MAST2: variants seen among roughly 807,000 people sequenced by gnomAD.
MAST2 encodes the protein microtubule-associated serine/threonine-protein kinase 2.
Under a neutral mutation model 147.4 loss-of-function variants are expected in MAST2, and 70 were observed. The observed-to-expected ratio is 0.47, with a 90% CI of 0.39 to 0.58. The LOEUF (loss-of-function observed/expected upper bound fraction) is 0.58, where lower values mean the gene tolerates loss of function less well. Among genes scored for constraint, MAST2 ranks in the 20% least tolerant of loss-of-function variants. The pLI, the probability that MAST2 is intolerant of heterozygous loss-of-function variation, is 0.00. For missense variants in MAST2, 2,080 were observed against 2,302.3 expected, an observed-to-expected ratio of 0.90 and a Z score of 1.98; for synonymous variants, 869 against 896.8, an observed-to-expected ratio of 0.97 and a Z score of 0.55.
intron 4 of MAST2, among the ~76,000 whole-genome samples, chr1:45,909,764 C>T (rs1651372125): frequency 6.6e-6 from 1 of 152,194 alleles, no homozygotes; most frequent in African/African-American, 2.4e-5. Flanking sequence ...GATCCACCCA[C>T]TTTTGCCTCC....
intron 3 of MAST2, among the ~76,000 whole-genome samples, chr1:45,837,765 C>T (rs1377924075): frequency 6.6e-6 from 1 of 152,120 alleles, no homozygotes; most frequent in Non-Finnish European, 1.5e-5. Context: ...CACATCTTAT[C>T]AGTACTAGGT....
chr1:45,853,595 C>G (rs1645692325), intron 3 of MAST2, among the ~76,000 whole-genome samples: 2 of 152,090 alleles, frequency 1.3e-5, no homozygotes, highest in South Asian at 4.2e-4. Flanking sequence ...CTCAAGTGAT[C>G]CACCCACCCC....
At chr1:46,006,189 G>A in intron 7 of MAST2, 52 bp from the exon 8 acceptor site, 1 of 1,534,200 alleles carries the variant, frequency 6.5e-7, no homozygotes, top group Non-Finnish European at 8.8e-7. Flanking sequence ...CCCATTCTTG[G>A]ACTGCTCTGG....
chr1:46,024,961 G>A (rs534851025), intron 15 of MAST2, among the ~76,000 whole-genome samples: 28 of 152,228 alleles, frequency 1.8e-4, no homozygotes, highest in Non-Finnish European at 4.0e-4. Flanking sequence ...GGCAGAAGGT[G>A]AAAGGCATGT....
intron 3 of MAST2, among the ~76,000 whole-genome samples, chr1:45,840,326 A>G (rs898011506): frequency 6.6e-6 from 1 of 151,696 alleles, no homozygotes; most frequent in African/African-American, 2.4e-5. Context: ...TTTGCATGCA[A>G]CTCCTGTGGG....
intron 4 of MAST2, among the ~76,000 whole-genome samples, chr1:45,898,991 C>G (rs2148465715): frequency 6.6e-6 from 1 of 152,282 alleles, no homozygotes; most frequent in South Asian, 2.1e-4. Context: ...GAGTATATAG[C>G]CAAGCCATTG....
intron 4 of MAST2, among the ~76,000 whole-genome samples, chr1:45,952,788 A>G (rs1410182029): frequency 6.6e-6 from 1 of 152,172 alleles, no homozygotes; most frequent in Admixed American, 6.6e-5. Context: ...ACCATCAAAA[A>G]CCAAGAGAAC....
At chr1:45,814,096 T>TA (rs1644381476) in intron 1 of MAST2, among the ~76,000 whole-genome samples, 1 of 152,200 alleles carries the variant, frequency 6.6e-6, no homozygotes, top group Admixed American at 6.5e-5. Flanking sequence ...GTACAGCACA[T>TA]AGAGTTAGTG....
intron 3 of MAST2, among the ~76,000 whole-genome samples, chr1:45,846,120 ATT>A (rs34618078): frequency 2.6e-5 from 4 of 151,738 alleles, no homozygotes; most frequent in Admixed American, 6.6e-5. Flanking sequence ...ATCATCACTG[ATT>A]TTTTTTTTAA....
chr1:46,023,430 C>A lies in MAST2; in HGVS notation c.1571+112C>A. Reference sequence around the variant, plus strand: ...TCTGGGCAGATGCCTCGGGGTGGACCTTCTCACTCCCAGAAGCCTCCTGGG... The same window carrying A: ...TCTGGGCAGATGCCTCGGGGTGGACATTCTCACTCCCAGAAGCCTCCTGGG... On this transcript the variant is annotated intron_variant, in intron 14 of 28. Transcript: ENST00000361297. This position sits in a 1 kb window ranked among gnomAD's most constrained non-coding sequence, Gnocchi z 4.9. 1 of 960,190 alleles carries A rather than the reference C, an allele frequency of 1.0e-6. No homozygotes were observed. The highest frequency in any genetic ancestry group is 1.6e-6 in the Non-Finnish European group (1 of 606,800). The allele number at this position is 960,190 out of a possible 1,614,324, so 59.5% of individuals were successfully genotyped here.
Position 46,029,509 on chromosome 1 carries a change from C to T in MAST2, c.2262C>T (p.Asp754=), listed in dbSNP as rs761653513. The part of the protein sequence containing the change: ...WPEGDEALPP[D]AQDLTSKLLH... ...AGGGTGATGAGGCACTGCCCCCAGA[C>T]GCCCAGGACCTCACCTCCAAACTGC... The change falls in exon 19 of 29, where the codon GAC becomes GAT. Residue 754 remains aspartate, a synonymous_variant. Coordinates refer to ENST00000361297, the MANE Select transcript of MAST2 (RefSeq NM_015112.3). 2.7e-5 allele frequency: 43 copies of T among 1,614,014 alleles called. No individual in the cohort carries two copies. The highest frequency in any genetic ancestry group is 1.1e-4 in the East Asian group (5 of 44,894).
intron 3 of MAST2, among the ~76,000 whole-genome samples, chr1:45,859,936 C>T (rs61783218): frequency 0.053 from 8,122 of 152,148 alleles, 315 homozygotes; most frequent in Middle Eastern, 0.082. Context: ...GCTGAATGTT[C>T]TAGTCGGAAG....
Position 46,027,875 on chromosome 1 carries a change from T to A in MAST2, c.2052+12T>A. ...TCCTGGACAAGCAGGTAAGGAAGGGTAGTTGATACACTGGGGGTTAAATTC... is the reference window on the plus strand; with the variant it reads ...TCCTGGACAAGCAGGTAAGGAAGGGAAGTTGATACACTGGGGGTTAAATTC... On this transcript the variant is annotated intron_variant, in intron 17 of 28. Coordinates refer to ENST00000361297, the MANE Select transcript of MAST2 (RefSeq NM_015112.3). The A allele has an allele frequency of 6.2e-7, 1 of 1,613,626 alleles. No homozygotes were observed. Among genetic ancestry groups the A allele is most frequent in the Non-Finnish European group, 8.5e-7 (1 of 1,179,822 alleles).
intron 18 of MAST2, chr1:46,029,216 C>G: frequency 1.8e-6 from 1 of 545,292 alleles, no homozygotes; most frequent in Non-Finnish European, 3.2e-6. Flanking sequence ...GTGAGGGGTA[C>G]GTCTGTGTAT....
chr1:45,805,073 G>A (rs1377464047), intron 1 of MAST2, among the ~76,000 whole-genome samples: 2 of 132,792 alleles, frequency 1.5e-5, no homozygotes, highest in African/African-American at 5.6e-5. Context: ...TTTTTGAGAC[G>A]AAGTCTCGCT....
chr1:45,963,528 G>T (rs909270279), intron 5 of MAST2, among the ~76,000 whole-genome samples: 1 of 152,140 alleles, frequency 6.6e-6, no homozygotes, highest in Non-Finnish European at 1.5e-5. Flanking sequence ...TGAAGCAATT[G>T]TGAATGGGAG....
intron 3 of MAST2, among the ~76,000 whole-genome samples, chr1:45,846,824 TAAA>T (rs34512504): frequency 2.7e-5 from 4 of 146,618 alleles, no homozygotes; most frequent in African/African-American, 1.0e-4. Context: ...GACTCCGTCT[TAAA>T]AAAAAAAAAA....
chr1:45,813,823 T>G (rs1275732508), intron 1 of MAST2, among the ~76,000 whole-genome samples: 1 of 152,044 alleles, frequency 6.6e-6, no homozygotes, highest in Non-Finnish European at 1.5e-5. Context: ...TTATTAAAAT[T>G]TTTTTTTAAA....
At chr1:45,884,355 C>T (rs546120055) in intron 4 of MAST2, among the ~76,000 whole-genome samples, 4 of 152,140 alleles carry the variant, frequency 2.6e-5, no homozygotes, top group Middle Eastern at 3.4e-3. Context: ...CGAGACCAGC[C>T]TGACCAATAT....
Sources: allele counts gnomAD v4.1 joint callset (sites outside exome capture counted in the v4.1 genomes callset), GRCh38; gene constraint gnomAD v4.1.1; non-coding constraint Gnocchi (gnomAD v3.1); transcripts MANE v1.5; gene names NCBI Gene and HGNC (gene_info 2026-07-23, HGNC 2026-07-21).